The following STAT3 variants were observed in gnomAD, a reference collection of about 807,000 sequenced individuals.
STAT3 encodes the protein signal transducer and activator of transcription 3, also known as DNA-binding protein APRF.
A neutral mutation model predicts 114.3 loss-of-function variants in STAT3; 7 were observed. That is an observed-to-expected ratio of 0.06 (90% CI 0.03 to 0.11). The LOEUF (loss-of-function observed/expected upper bound fraction) is 0.11. STAT3 is among the 10% of genes least tolerant of loss of function. The pLI is 1.00. For synonymous variants in STAT3, 331 were observed against 354.5 expected, an observed-to-expected ratio of 0.93 and a Z score of 0.74; for missense variants, 364 against 960.9, an observed-to-expected ratio of 0.38 and a Z score of 8.21.
At chr17:42,382,635 C>A (rs2084862254) in intron 1 of STAT3, among the ~76,000 whole-genome samples, 1 of 151,858 alleles carries the variant, frequency 6.6e-6, no homozygotes, top group Non-Finnish European at 1.5e-5. Context: ...TAAAGAGTTG[C>A]GGTAATCCTT....
intron 21 of STAT3, among the ~76,000 whole-genome samples, chr17:42,321,025 A>T (rs1191382466): frequency 6.6e-6 from 1 of 150,916 alleles, no homozygotes; most frequent in Non-Finnish European, 1.5e-5. Context: ...GCCTCAAGTG[A>T]TCCTCCTGCT....
intron 4 of STAT3, among the ~76,000 whole-genome samples, chr17:42,340,019 G>A (rs761589043): frequency 6.6e-6 from 1 of 152,018 alleles, no homozygotes; most frequent in Non-Finnish European, 1.5e-5. Context: ...ATGAATGAAT[G>A]AATTAAAGAA....
intron 1 of STAT3, among the ~76,000 whole-genome samples, chr17:42,376,771 G>A (rs905614530): frequency 6.6e-6 from 1 of 151,952 alleles, no homozygotes; most frequent in Non-Finnish European, 1.5e-5. Flanking sequence ...GCATGAACCC[G>A]GGAGGCTGAG....
At chr17:42,342,294 C>T (rs145547264) in intron 4 of STAT3, among the ~76,000 whole-genome samples, 2 of 151,962 alleles carry the variant, frequency 1.3e-5, no homozygotes, top group African/African-American at 4.8e-5. Context: ...ACCAGCCTGG[C>T]CAATATGGTG....
chr17:42,367,296 G>A (rs1203426675), intron 1 of STAT3, among the ~76,000 whole-genome samples: 4 of 150,994 alleles, frequency 2.6e-5, no homozygotes, highest in Non-Finnish European at 5.9e-5. Flanking sequence ...CCGAGATTGC[G>A]CCACTGCACT....
chr17:42,321,514 T>C (rs2081484410), intron 21 of STAT3, among the ~76,000 whole-genome samples: 1 of 152,160 alleles, frequency 6.6e-6, no homozygotes, highest in South Asian at 2.1e-4. Context: ...TAAATACTAA[T>C]CCCTTGCCCC....
chr17:42,322,536 C>G, intron 20 of STAT3, 42 bp from the exon 21 acceptor site: 1 of 1,609,252 alleles, frequency 6.2e-7, no homozygotes, highest in Non-Finnish European at 8.5e-7. Flanking sequence ...GAACCTACAG[C>G]TAGGTCATCT....
intron 1 of STAT3, among the ~76,000 whole-genome samples, chr17:42,356,358 G>T (rs1056805054): frequency 6.6e-6 from 1 of 151,998 alleles, no homozygotes; most frequent in Non-Finnish European, 1.5e-5. Flanking sequence ...GGGAGGCTGA[G>T]GGGGGAGGAT....
chr17:42,324,792 C>A lies in STAT3; in HGVS notation c.1519G>T (p.Val507Phe), dbSNP rs145786768. 36 of 1,614,138 alleles carry A rather than the reference C, an allele frequency of 2.2e-5. No individual in the cohort carries two copies. Among genetic ancestry groups the A allele is most frequent in the Admixed American group, 1.7e-4 (10 of 60,004 alleles). Residue 507 changes from valine (V) to phenylalanine (F), a missense_variant, in exon 17 of 24, where the codon GTC (valine) becomes TTC (phenylalanine). Val to Phe is a conservative substitution (Grantham distance 50). Transcript: ENST00000264657. The surrounding 1 kb of genome is among the most constrained non-coding windows in gnomAD (Gnocchi z 4.5). ...PIGTWDQVAE[V>F]LSWQFSSTTK... ...GTGGAGGAGAACTGCCAGCTCAGGACCTCGGCCACTTGATCCCAGGTTCCA... is the reference window on the plus strand; with the variant it reads ...GTGGAGGAGAACTGCCAGCTCAGGAACTCGGCCACTTGATCCCAGGTTCCA...
At chr17:42,325,129 C>T in intron 15 of STAT3, 68 bp from the exon 16 acceptor site, 3 of 1,448,760 alleles carry the variant, frequency 2.1e-6, no homozygotes, top group Non-Finnish European at 2.9e-6. Context: ...ATCTCTTCAC[C>T]CGCATCTCAC....
Position 42,314,068 on chromosome 17 carries a change from A to G in STAT3, c.*1677T>C. On this transcript the variant is annotated 3_prime_UTR_variant, in exon 24 of 24. Coordinates refer to ENST00000264657, the MANE Select transcript of STAT3 (RefSeq NM_139276.3). ...TGCTAGGTGTTCCCATACGCACAGG[A>G]GAGGCGAGCTAGCCAGCCAAGGCGG... 1 of 232,200 alleles carries G rather than the reference A, an allele frequency of 4.3e-6. No homozygotes were observed. The allele number at this position is 232,200 out of a possible 1,614,324, so 14.4% of individuals were successfully genotyped here. A position where few individuals can be genotyped will look rare whatever the true frequency, so the allele number is the denominator to read the frequency against.
chr17:42,339,228 C>T, intron 5 of STAT3, 86 bp downstream of exon 5: 2 of 1,352,278 alleles, frequency 1.5e-6, no homozygotes, highest in Non-Finnish European at 2.1e-6. Flanking sequence ...TGCAGCCCAG[C>T]CTGAGTGGCA....
At chr17:42,372,825 C>A (rs1238020257) in intron 1 of STAT3, among the ~76,000 whole-genome samples, 2 of 151,716 alleles carry the variant, frequency 1.3e-5, no homozygotes, top group Non-Finnish European at 2.9e-5. Flanking sequence ...CTGGCCTGGA[C>A]AACACAGTGA....
chr17:42,317,286 G>A (rs780954896), intron 21 of STAT3, 62 bp from the exon 22 acceptor site: 14 of 1,584,596 alleles, frequency 8.8e-6, no homozygotes, highest in Non-Finnish European at 1.1e-5. Flanking sequence ...AGCAGAGCTG[G>A]AGGAAGCCAT....
rs950702929 is a variant in STAT3, at chr17:42,337,232, T to C, written c.797+203A>G. Among the ~76,000 whole-genome samples, 1 of 152,198 alleles carries C rather than the reference T, an allele frequency of 6.6e-6. No homozygotes were observed. The highest frequency in any genetic ancestry group is 2.4e-5 in the African/African-American group (1 of 41,448). On this transcript the variant is annotated intron_variant, in intron 8 of 23. Coordinates refer to ENST00000264657, the MANE Select transcript of STAT3 (RefSeq NM_139276.3). This position sits in a 1 kb window ranked among gnomAD's most constrained non-coding sequence, Gnocchi z 4.0. ...CCTGACCTCAAGTGATCCGCCCATC[T>C]TGGTCTCCCAAAGTGCTGGGATTAC...
intron 21 of STAT3, among the ~76,000 whole-genome samples, 183 bp downstream of exon 21, chr17:42,322,099 T>C (rs1199386743): frequency 6.6e-6 from 1 of 152,228 alleles, no homozygotes; most frequent in African/African-American, 2.4e-5. Flanking sequence ...CTCTAAGTGA[T>C]TCTGATTCTC....
chr17:42,365,136 A>G (rs778242605), intron 1 of STAT3, among the ~76,000 whole-genome samples: 5 of 152,208 alleles, frequency 3.3e-5, no homozygotes, highest in Admixed American at 1.3e-4. Context: ...AGCTAAGTCC[A>G]TAACTGTTCC....
intron 1 of STAT3, among the ~76,000 whole-genome samples, chr17:42,378,770 T>C (rs986604403): frequency 6.6e-6 from 1 of 152,182 alleles, no homozygotes; most frequent in Admixed American, 6.6e-5. Context: ...AGAGGTAATT[T>C]ACACAGCTAA....
intron 1 of STAT3, among the ~76,000 whole-genome samples, chr17:42,369,769 C>T (rs7214610): frequency 0.26 from 39,390 of 151,918 alleles, 5,339 homozygotes; most frequent in East Asian, 0.4. Flanking sequence ...AGTGATCCTC[C>T]CACCTCAGCC....
Sources: gnomAD v4.1 joint callset for allele counts (sites outside exome capture counted in the v4.1 genomes callset) on GRCh38, gnomAD v4.1.1 for gene constraint, Gnocchi (gnomAD v3.1) non-coding constraint, MANE v1.5 for transcripts, NCBI Gene and HGNC (gene_info 2026-07-23, HGNC 2026-07-21) for gene names.